Variants in HEATR4 observed in about 807,000 individuals in gnomAD.
The protein encoded by HEATR4 is HEAT repeat-containing protein 4.
A neutral mutation model predicts 108.8 loss-of-function variants in HEATR4; 95 were observed. That is an observed-to-expected ratio of 0.87 (90% CI 0.74 to 1.04). HEATR4 has a LOEUF of 1.04. Among genes scored for constraint, HEATR4 ranks in the 50% least tolerant of loss-of-function variants. HEATR4 has a pLI of 0.00. For missense variants in HEATR4, 1,152 were observed against 1,253.8 expected (o/e 0.92, Z 1.23); for synonymous variants, 443 against 459.4 (o/e 0.96, Z 0.46).
At chr14:73,562,705 C>G (rs142981275), upstream of HEATR4, among the ~76,000 whole-genome samples, 3 of 151,804 alleles carry the variant, frequency 2.0e-5, no homozygotes, top group Admixed American at 6.6e-5. Context: ...TGTCTTGTGC[C>G]GTTGAGATAA....
chr14:73,564,090 G>A, the HEATR4 span, among the ~76,000 whole-genome samples: 8 of 151,786 alleles, frequency 5.3e-5, no homozygotes, highest in African/African-American at 1.9e-4. Flanking sequence ...TACAAGGTCA[G>A]GAGTTTGAGA....
the HEATR4 span, among the ~76,000 whole-genome samples, chr14:73,621,325 C>T: frequency 6.6e-6 from 1 of 152,148 alleles, no homozygotes; most frequent in Non-Finnish European, 1.5e-5. Context: ...TCATTGCCTG[C>T]CTGGAGGAAT....
the HEATR4 span, among the ~76,000 whole-genome samples, chr14:73,572,175 C>CAATTG: frequency 4.9e-5 from 1 of 20,524 alleles, no homozygotes. Flanking sequence ...TTATAAGAGG[C>CAATTG]CAGATGAGCA....
chr14:73,632,723 A>G, the HEATR4 span, among the ~76,000 whole-genome samples: 1 of 151,516 alleles, frequency 6.6e-6, no homozygotes, highest in South Asian at 2.1e-4. Context: ...TTGCGCCTAT[A>G]ATCCCAGCTA....
the HEATR4 span, among the ~76,000 whole-genome samples, chr14:73,599,743 G>T: frequency 1.3e-5 from 2 of 152,198 alleles, no homozygotes; most frequent in African/African-American, 4.8e-5. Flanking sequence ...GCTAACCAAA[G>T]TTCAAGGAGA....
chr14:73,508,556 C>T (rs1161491738), intron 8 of HEATR4, among the ~76,000 whole-genome samples: 1 of 152,032 alleles, frequency 6.6e-6, no homozygotes, highest in Admixed American at 6.6e-5. Flanking sequence ...CAAGACCAGC[C>T]TGGCCAACAT....
At chr14:73,519,398 A>G (rs925515543) in intron 4 of HEATR4, among the ~76,000 whole-genome samples, 3 of 152,138 alleles carry the variant, frequency 2.0e-5, no homozygotes, top group African/African-American at 7.2e-5. Flanking sequence ...GAAATGTCAT[A>G]GCTAGTCACC....
At position 73,553,124 on chromosome 14, in the gene HEATR4, A is replaced by T. The variant is rs1482157946; in HGVS notation, c.-152+5627T>A. Among the ~76,000 whole-genome samples, 4 of 114,900 alleles carry T rather than the reference A, an allele frequency of 3.5e-5. 1 individual carries two copies. Among genetic ancestry groups the T allele is most frequent in the African/African-American group, 1.1e-4 (4 of 35,552 alleles). The allele number at this position is 114,900 out of a possible 152,430, so 75.4% of individuals were successfully genotyped here. ...GCACCAGGGCTGGTGCCCCACCCCGAAGGACACAAGCCTCCTGCTCAGGAC... is the reference window on the plus strand; with the variant it reads ...GCACCAGGGCTGGTGCCCCACCCCGTAGGACACAAGCCTCCTGCTCAGGAC... On this transcript the variant is annotated intron_variant, in intron 1 of 17. Coordinates refer to ENST00000553558, the MANE Select transcript of HEATR4 (RefSeq NM_001220484.1).
chr14:73,498,349 A>G lies in HEATR4; in HGVS notation c.2357-5T>C, dbSNP rs780397547. ...CTTGCCCAATCTGTCCCAAAGCTGC[A>G]GAGATTAGAGGGCAGCATGTCACTG... On this transcript the variant is annotated splice_region_variant and splice_polypyrimidine_tract_variant and intron_variant, in intron 13 of 17. Transcript: ENST00000553558. 3.8e-6 allele frequency: 6 copies of G among 1,587,716 alleles called. No individual in the cohort carries two copies. In the South Asian group the frequency reaches 6.7e-5, roughly 18 times the overall value.
At chr14:73,517,681 AG>A (rs59746352) in intron 5 of HEATR4, among the ~76,000 whole-genome samples, 21,466 of 136,330 alleles carry the variant, frequency 0.16, 2,250 homozygotes, top group East Asian at 0.33. Flanking sequence ...AAAAAAAAAA[AG>A]AAGAAGAAAA....
At chr14:73,612,970 G>C in the HEATR4 span, 1 of 1,191,498 alleles carries the variant, frequency 8.4e-7, no homozygotes, top group Non-Finnish European at 1.1e-6. Context: ...TCCGGCCGGG[G>C]GTGCGGCGCG....
chr14:73,510,044 G>C, intron 7 of HEATR4, among the ~76,000 whole-genome samples: 1 of 149,964 alleles, frequency 6.7e-6, no homozygotes, highest in Non-Finnish European at 1.5e-5. Flanking sequence ...AGTATTCTTA[G>C]TAGAGATGGG....
chr14:73,508,033 A>T, intron 9 of HEATR4, 101 bp downstream of exon 9: 9 of 1,150,258 alleles, frequency 7.8e-6, no homozygotes, highest in Non-Finnish European at 1.2e-5. Flanking sequence ...GGCATAAGCC[A>T]CTGCCCCGGC....
In HEATR4 at chr14:73,533,888, A is replaced by T. The variant is rs1359163354; in HGVS notation, c.-151-3644T>A. Among the ~76,000 whole-genome samples, 3 of 107,020 alleles carry T rather than the reference A, an allele frequency of 2.8e-5. 1 individual carries two copies. The highest frequency in any genetic ancestry group is 6.0e-5 in the Non-Finnish European group (3 of 50,052). 70.2% of individuals were successfully genotyped at this position (107,020 alleles called of 152,430 possible). On this transcript the variant is annotated intron_variant, in intron 1 of 17. Transcript: ENST00000553558. ...ATAGCAAGACCCTGTCTCTAAAAAA[A>T]AAAAAAAAAAAAAAAGGTTAAAATG... is the stretch of plus-strand genomic sequence containing the variant.
At chr14:73,525,997 T>A in intron 2 of HEATR4, among the ~76,000 whole-genome samples, 1 of 150,246 alleles carries the variant, frequency 6.7e-6, no homozygotes, top group East Asian at 1.9e-4. Context: ...AAAAATCAGG[T>A]GAGTGATCAC....
chr14:73,630,191 C>T, the HEATR4 span, among the ~76,000 whole-genome samples: 1 of 152,010 alleles, frequency 6.6e-6, no homozygotes, highest in Non-Finnish European at 1.5e-5. Flanking sequence ...CTTCATGGTC[C>T]AGGACACAGC....
the HEATR4 span, among the ~76,000 whole-genome samples, chr14:73,598,025 G>A: frequency 6.6e-6 from 1 of 151,062 alleles, no homozygotes; most frequent in Non-Finnish European, 1.5e-5. Flanking sequence ...CACCAGGCTT[G>A]TTTATGGTAA....
At chr14:73,619,515 G>A in the HEATR4 span, 80 of 1,614,110 alleles carry the variant, frequency 5.0e-5, no homozygotes, top group Admixed American at 4.0e-4. Flanking sequence ...TGGAAAAGGC[G>A]CAGGTGCCCT....
At chr14:73,509,615 G>T in intron 7 of HEATR4, 142 bp from the exon 8 acceptor site, 1 of 781,720 alleles carries the variant, frequency 1.3e-6, no homozygotes, top group Non-Finnish European at 2.0e-6. Context: ...CAGTTTAGCT[G>T]AGCCCTTCAG....
Sources: gnomAD v4.1 joint callset for allele counts (sites outside exome capture counted in the v4.1 genomes callset) on GRCh38, gnomAD v4.1.1 for gene constraint, MANE v1.5 for transcripts, NCBI Gene and HGNC (gene_info 2026-07-23, HGNC 2026-07-21) for gene names.